Variants in STK33 observed in about 807,000 individuals in gnomAD.
The protein encoded by STK33 is serine/threonine-protein kinase 33.
Under a neutral mutation model 58.0 loss-of-function variants are expected in STK33, and 52 were observed. That is an observed-to-expected ratio of 0.90 (90% CI 0.72 to 1.13). The LOEUF (loss-of-function observed/expected upper bound fraction) is 1.13. Ranked by LOEUF, STK33 falls within the 50% of genes most tolerant of loss-of-function variation. The pLI, the probability that STK33 is intolerant of heterozygous loss-of-function variation, is 0.00. For synonymous variants in STK33, 215 were observed against 200.1 expected (o/e 1.07, Z -0.63); for missense variants, 630 against 604.2 (o/e 1.04, Z -0.45).
At chr11:8,540,644 GA>G (rs896604563) in intron 1 of STK33, among the ~76,000 whole-genome samples, 2 of 152,032 alleles carry the variant, frequency 1.3e-5, no homozygotes, top group African/African-American at 4.8e-5. Context: ...GACACAGAAA[GA>G]AAAACATCAC....
rs544848227 is a variant in STK33, at chr11:8,517,345, A to G, written c.-465-36731T>C. Among the ~76,000 whole-genome samples, 48 of 152,368 alleles carry G rather than the reference A, an allele frequency of 3.2e-4. 1 individual carries two copies. The highest frequency in any genetic ancestry group is 6.8e-3 in the Middle Eastern group (2 of 294). On this transcript the variant is annotated intron_variant, in intron 1 of 15. Coordinates refer to ENST00000687296, the MANE Select transcript of STK33 (RefSeq NM_001352389.2). ...ACTCCATCTGTACGTCACCATCACC[A>G]AAGACCAAAGGTAGATAAAAACACA...
At chr11:8,457,631 T>A in intron 8 of STK33, 152 bp from the exon 9 acceptor site, 1 of 649,240 alleles carries the variant, frequency 1.5e-6, no homozygotes, top group Non-Finnish European at 2.4e-6. Context: ...TACTGGATAC[T>A]AGAGAAACAA....
chr11:8,335,543 A>G, the STK33 span, among the ~76,000 whole-genome samples: 3 of 152,292 alleles, frequency 2.0e-5, no homozygotes, highest in East Asian at 5.8e-4. Flanking sequence ...AGATGGATCT[A>G]TTCAAAGCAC....
chr11:8,523,907 C>G (rs1375472166), intron 1 of STK33, among the ~76,000 whole-genome samples: 3 of 152,202 alleles, frequency 2.0e-5, no homozygotes, highest in Admixed American at 1.3e-4. Context: ...AGAAAGAGAT[C>G]GGATTGTTAC....
intron 1 of STK33, among the ~76,000 whole-genome samples, chr11:8,520,757 G>A (rs947942675): frequency 2.0e-5 from 3 of 151,946 alleles, no homozygotes; most frequent in African/African-American, 7.3e-5. Flanking sequence ...GCTTCAAAGA[G>A]AATAAAAAAC....
At chr11:8,391,440 T>C (rs1237609698), downstream of STK33, among the ~76,000 whole-genome samples, 1 of 152,236 alleles carries the variant, frequency 6.6e-6, no homozygotes, top group African/African-American at 2.4e-5. Flanking sequence ...TAGTGTCTTC[T>C]AAACTAACTG....
chr11:8,557,451 A>C (rs1956843526), intron 1 of STK33, among the ~76,000 whole-genome samples: 1 of 151,988 alleles, frequency 6.6e-6, no homozygotes, highest in Non-Finnish European at 1.5e-5. Context: ...TTACGTGCCA[A>C]AATCAGAATA....
At chr11:8,539,240 A>G (rs1245587007) in intron 1 of STK33, among the ~76,000 whole-genome samples, 1 of 152,230 alleles carries the variant, frequency 6.6e-6, no homozygotes. Flanking sequence ...AAAAATTAAG[A>G]TTCTCACCTA....
chr11:8,439,566 T>C (rs1156450721), intron 12 of STK33, among the ~76,000 whole-genome samples: 1 of 151,790 alleles, frequency 6.6e-6, no homozygotes, highest in Non-Finnish European at 1.5e-5. Context: ...GCCTTAATGT[T>C]TGAGCTGGGT....
chr11:8,367,960 C>G, the STK33 span, among the ~76,000 whole-genome samples: 1 of 152,120 alleles, frequency 6.6e-6, no homozygotes, highest in African/African-American at 2.4e-5. Flanking sequence ...TGGGCCAGAG[C>G]TCTGGCTCAG....
chr11:8,336,115 G>T, the STK33 span, among the ~76,000 whole-genome samples: 27 of 152,250 alleles, frequency 1.8e-4, no homozygotes, highest in Admixed American at 4.6e-4. Context: ...CCCTGGGCTG[G>T]TGCTTGAGGC....
At chr11:8,467,099 C>A (rs976463878) in intron 6 of STK33, 1 of 152,226 alleles carries the variant, frequency 6.6e-6, no homozygotes, top group South Asian at 2.1e-4. Context: ...ATGGGAGGGG[C>A]TGCTGTGAAG....
intron 1 of STK33, among the ~76,000 whole-genome samples, chr11:8,505,438 C>A (rs1951799792): frequency 6.6e-6 from 1 of 152,188 alleles, no homozygotes; most frequent in South Asian, 2.1e-4. Context: ...TCTGTGCTGC[C>A]ACGTGTGCTA....
rs1590945449 is a variant in STK33 at position 8,424,707 on chromosome 11, T to G, written c.1146+10787A>C. On this transcript the variant is annotated intron_variant, in intron 14 of 15. Transcript: ENST00000687296. ...TAACTGGTGTGAGATGGTATCTCAT[T>G]GTGGTTTTGATTCACATTTCTCTGA... 2.0e-5 allele frequency among the ~76,000 whole-genome samples: 3 copies of G among 146,940 alleles called. No individual in the cohort carries two copies. In the South Asian group the frequency reaches 6.6e-4, roughly 32 times the overall value.
At chr11:8,482,830 C>T (rs1295477974) in intron 1 of STK33, among the ~76,000 whole-genome samples, 6 of 151,852 alleles carry the variant, frequency 4.0e-5, no homozygotes, top group East Asian at 1.9e-4. Flanking sequence ...CCCGGGTTCA[C>T]GCCATTCTCC....
the STK33 span, among the ~76,000 whole-genome samples, chr11:8,345,892 C>A: frequency 8.3e-4 from 127 of 152,284 alleles, no homozygotes; most frequent in Middle Eastern, 3.4e-3. Context: ...TTGCTTCAAG[C>A]CAGATTTAGG....
At chr11:8,472,838 G>A (rs920189847) in intron 6 of STK33, among the ~76,000 whole-genome samples, 29 of 152,096 alleles carry the variant, frequency 1.9e-4, no homozygotes, top group African/African-American at 7.0e-4. Context: ...AAAATTACCT[G>A]GTCCATCTCT....
chr11:8,349,266 T>C, the STK33 span, among the ~76,000 whole-genome samples: 1 of 152,248 alleles, frequency 6.6e-6, no homozygotes, highest in East Asian at 1.9e-4. Context: ...GTGTCTGATA[T>C]CATATAAGTG....
At chr11:8,529,525 C>A (rs547329641) in intron 1 of STK33, among the ~76,000 whole-genome samples, 2 of 152,194 alleles carry the variant, frequency 1.3e-5, no homozygotes, top group South Asian at 4.2e-4. Flanking sequence ...CTAAGATATC[C>A]AAAAAGCTCA....
Sources: gnomAD v4.1 joint callset for allele counts (sites outside exome capture counted in the v4.1 genomes callset) on GRCh38, gnomAD v4.1.1 for gene constraint, MANE v1.5 for transcripts, NCBI Gene and HGNC (gene_info 2026-07-23, HGNC 2026-07-21) for gene names.